NIBAN1: variants seen among roughly 807,000 people sequenced by gnomAD.
The protein encoded by NIBAN1 is niban apoptosis regulator 1, also known as protein Niban 1.
NIBAN1 carries 81 observed loss-of-function variants against 75.1 expected under a neutral mutation model. The observed-to-expected ratio is 1.08, with a 90% CI of 0.90 to 1.30. The LOEUF (loss-of-function observed/expected upper bound fraction) is 1.30. Ranked by LOEUF, NIBAN1 falls within the 50% of genes most tolerant of loss-of-function variation. The probability of loss-of-function intolerance (pLI) is 0.00; values close to 1 mark genes in which losing one functional copy is unlikely to be tolerated. For synonymous variants in NIBAN1, 436 were observed against 424.8 expected (o/e 1.03, Z -0.32); for missense variants, 1,133 against 1,128.1 (o/e 1.00, Z -0.06).
chr1:184,802,664 C>T (rs1424112666), intron 12 of NIBAN1, among the ~76,000 whole-genome samples: 1 of 152,284 alleles, frequency 6.6e-6, no homozygotes, highest in Non-Finnish European at 1.5e-5. Context: ...AGGATTTTAA[C>T]GTTCCAGTGC....
intron 10 of NIBAN1, among the ~76,000 whole-genome samples, chr1:184,806,921 C>T (rs1654215055): frequency 6.6e-6 from 1 of 151,976 alleles, no homozygotes; most frequent in South Asian, 2.1e-4. Flanking sequence ...GTGTGCACCA[C>T]CATGCCCAGC....
chr1:184,945,156 G>A (rs1658189866), intron 1 of NIBAN1, among the ~76,000 whole-genome samples: 1 of 152,218 alleles, frequency 6.6e-6, no homozygotes, highest in Non-Finnish European at 1.5e-5. Context: ...TAAACTAAAA[G>A]CAGAAAGTCT....
rs765544622 is a variant in NIBAN1, at chr1:184,803,642, T to C, written c.1497A>G (p.Ala499=). Residue 499 remains alanine, a synonymous_variant, in exon 12 of 14, where the codon GCA becomes GCG. Transcript: ENST00000367511. ...STIRKKIFQE[A]LVQITLPTVQ... ...CAGTGGGAAGTGTGATTTGAACTAG[T>C]GCCTCTTGAAATATCTTCTTTCGGA... 3.1e-6 allele frequency: 5 copies of C among 1,614,110 alleles called. No individual in the cohort carries two copies. The highest frequency in any genetic ancestry group is 2.7e-5 in the African/African-American group (2 of 74,944).
intron 5 of NIBAN1, among the ~76,000 whole-genome samples, chr1:184,877,504 G>T (rs1309815034): frequency 1.3e-5 from 2 of 152,000 alleles, no homozygotes; most frequent in African/African-American, 4.8e-5. Flanking sequence ...ACAACTAATA[G>T]AGTAAACAAT....
At chr1:184,956,029 G>GTT (rs778756407) in intron 1 of NIBAN1, among the ~76,000 whole-genome samples, 2 of 91,672 alleles carry the variant, frequency 2.2e-5, no homozygotes, top group East Asian at 4.1e-4. Flanking sequence ...TTTTCTTTTT[G>GTT]TTTGTTTTTT....
chr1:184,810,493 T>C (rs944564421), intron 9 of NIBAN1, among the ~76,000 whole-genome samples: 3 of 152,222 alleles, frequency 2.0e-5, no homozygotes, highest in Non-Finnish European at 4.4e-5. Flanking sequence ...CATACTTCCA[T>C]ATTTTAGTCC....
At chr1:184,898,166 C>T (rs1473352393) in intron 2 of NIBAN1, among the ~76,000 whole-genome samples, 1 of 152,196 alleles carries the variant, frequency 6.6e-6, no homozygotes, top group Non-Finnish European at 1.5e-5. Flanking sequence ...TCCCAGCAGA[C>T]CGACCTTCCC....
rs16823613 is a variant in NIBAN1 at position 184,843,884 on chromosome 1, C to T, written c.602-11922G>A. 5.1e-3 allele frequency among the ~76,000 whole-genome samples: 783 copies of T among 152,280 alleles called. 13 individuals are homozygous for T. In the East Asian group the frequency reaches 0.071, roughly 14 times the overall value. On this transcript the variant is annotated intron_variant, in intron 5 of 13. Coordinates refer to ENST00000367511, the MANE Select transcript of NIBAN1 (RefSeq NM_052966.4). The stretch of plus-strand genomic sequence containing the variant: ...CAGGCAGGTGTGGCCATCACACACC[C>T]GGGTTATCTTTCAGCTCAGACCACA...
intron 9 of NIBAN1, among the ~76,000 whole-genome samples, chr1:184,811,302 C>T (rs1654369249): frequency 6.6e-6 from 1 of 152,066 alleles, no homozygotes; most frequent in African/African-American, 2.4e-5. Flanking sequence ...AAATCATTGG[C>T]TAAGTTAAGA....
At chr1:184,871,347 CAAAAA>C (rs10658216) in intron 5 of NIBAN1, among the ~76,000 whole-genome samples, 2 of 34,624 alleles carry the variant, frequency 5.8e-5, no homozygotes, top group South Asian at 3.0e-3. Flanking sequence ...AACTCTATCT[CAAAAA>C]AAAAAAAAAA....
chr1:184,855,047 G>A (rs1463904232), intron 5 of NIBAN1, among the ~76,000 whole-genome samples: 1 of 152,128 alleles, frequency 6.6e-6, no homozygotes, highest in Non-Finnish European at 1.5e-5. Flanking sequence ...TCCCTCTTGG[G>A]CATTCATAGA....
chr1:184,925,121 TA>T (rs1318763756), intron 1 of NIBAN1, among the ~76,000 whole-genome samples: 1 of 152,134 alleles, frequency 6.6e-6, no homozygotes, highest in Non-Finnish European at 1.5e-5. Flanking sequence ...ACAATTGTTA[TA>T]ACCTCTTGCT....
At chr1:184,958,444 T>G (rs1324253230) in intron 1 of NIBAN1, among the ~76,000 whole-genome samples, 4 of 151,482 alleles carry the variant, frequency 2.6e-5, no homozygotes, top group Non-Finnish European at 5.9e-5. Context: ...AATCAAAAGT[T>G]TAGTAAATGT....
chr1:184,863,154 C>G (rs1655861389), intron 5 of NIBAN1, among the ~76,000 whole-genome samples: 1 of 152,192 alleles, frequency 6.6e-6, no homozygotes, highest in Admixed American at 6.5e-5. Flanking sequence ...TACTAGTTGA[C>G]CTGTCCAATG....
intron 11 of NIBAN1, 91 bp downstream of exon 11, chr1:184,805,855 C>T (rs41303245): frequency 0.012 from 12,158 of 979,646 alleles, 109 homozygotes; most frequent in Non-Finnish European, 0.015. Flanking sequence ...AGATTAGAGC[C>T]AAGGAGAGAA....
At chr1:184,844,515 T>A (rs1655383129) in intron 5 of NIBAN1, among the ~76,000 whole-genome samples, 1 of 152,208 alleles carries the variant, frequency 6.6e-6, no homozygotes, top group Non-Finnish European at 1.5e-5. Flanking sequence ...CCAGATGTAA[T>A]CATTTCTGGT....
chr1:184,872,118 GATATTA>G (rs1394639408), intron 5 of NIBAN1, among the ~76,000 whole-genome samples: 1 of 151,996 alleles, frequency 6.6e-6, no homozygotes, highest in East Asian at 1.9e-4. Flanking sequence ...AGGGATCTTG[GATATTA>G]AAATTAGCAA....
Position 184,934,995 on chromosome 1 carries a change from G to C in NIBAN1, c.56-35686C>G, listed in dbSNP as rs373874129. The stretch of plus-strand genomic sequence containing the variant: ...TGAGACAGGAGGATCACTTAAGCCG[G>C]GGAGCTCAAGGCTGCAATGAGCCGT... On this transcript the variant is annotated intron_variant, in intron 1 of 13. Coordinates refer to ENST00000367511, the MANE Select transcript of NIBAN1 (RefSeq NM_052966.4). 3.3e-5 allele frequency among the ~76,000 whole-genome samples: 5 copies of C among 152,256 alleles called. No individual in the cohort carries two copies. The East Asian group carries it at 7.7e-4, about 24-fold the overall frequency.
chr1:184,945,849 G>A (rs1263852414), intron 1 of NIBAN1, among the ~76,000 whole-genome samples: 1 of 152,196 alleles, frequency 6.6e-6, no homozygotes, highest in African/African-American at 2.4e-5. Context: ...TGTGGGAAGA[G>A]CGTTCTGAAT....
Sources: gnomAD v4.1 joint callset for allele counts (sites outside exome capture counted in the v4.1 genomes callset) on GRCh38, gnomAD v4.1.1 for gene constraint, MANE v1.5 for transcripts, NCBI Gene and HGNC (gene_info 2026-07-23, HGNC 2026-07-21) for gene names.